ANKRD17: variants seen among roughly 807,000 people sequenced by gnomAD.
The protein encoded by ANKRD17 is ankyrin repeat domain 17.
A neutral mutation model predicts 229.7 loss-of-function variants in ANKRD17; 19 were observed. The observed-to-expected ratio is 0.08, with a 90% CI of 0.06 to 0.12. The LOEUF is 0.12. Ranked by LOEUF, ANKRD17 falls within the 10% of genes least tolerant of loss-of-function variation. The pLI is 1.00. For synonymous variants in ANKRD17, 1,112 were observed against 1,146.1 expected, an observed-to-expected ratio of 0.97 and a Z score of 0.60; for missense variants, 2,176 against 3,176.8, an observed-to-expected ratio of 0.68 and a Z score of 7.57.
rs1429226302 is a variant in ANKRD17, at chr4:73,089,096, G to A, written c.6961+1571C>T. On this transcript the variant is annotated intron_variant, in intron 29 of 33. Coordinates refer to ENST00000358602, the MANE Select transcript of ANKRD17 (RefSeq NM_032217.5). Reference sequence around the variant, plus strand: ...GTCTCCACCCAGGCTGGAATGCAGAGGTGTGATCTCAGCTCACTGTAACAT... The same window carrying A: ...GTCTCCACCCAGGCTGGAATGCAGAAGTGTGATCTCAGCTCACTGTAACAT... 2.0e-5 allele frequency among the ~76,000 whole-genome samples: 3 copies of A among 150,374 alleles called. No homozygotes were observed. The East Asian group carries it at 5.8e-4, about 29-fold the overall frequency.
chr4:73,183,317 G>C (rs1735830822), intron 1 of ANKRD17, among the ~76,000 whole-genome samples: 1 of 152,148 alleles, frequency 6.6e-6, no homozygotes, highest in South Asian at 2.1e-4. Flanking sequence ...AAATATCCTT[G>C]TTTTTCAGAC....
chr4:73,218,387 T>G (rs1741381078), intron 1 of ANKRD17, among the ~76,000 whole-genome samples: 1 of 152,062 alleles, frequency 6.6e-6, no homozygotes, highest in Non-Finnish European at 1.5e-5. Context: ...GCTCAAGCCA[T>G]TACTGAGCAC....
intron 5 of ANKRD17, 60 bp downstream of exon 5, chr4:73,155,568 GCAA>G: frequency 6.3e-7 from 1 of 1,585,604 alleles, no homozygotes; most frequent in East Asian, 2.2e-5. Flanking sequence ...TCACTTTCAT[GCAA>G]AATCATTATT....
At chr4:73,185,212 T>A (rs894637862) in intron 1 of ANKRD17, among the ~76,000 whole-genome samples, 80 of 151,544 alleles carry the variant, frequency 5.3e-4, no homozygotes, top group African/African-American at 1.9e-3. Context: ...ATTTAAAAAA[T>A]AAATAAAAAA....
rs959757540 is a variant in ANKRD17, at chr4:73,177,632, T to C, written c.394-99A>G. On this transcript the variant is annotated intron_variant, in intron 1 of 33. Coordinates refer to ENST00000358602, the MANE Select transcript of ANKRD17 (RefSeq NM_032217.5). The stretch of plus-strand genomic sequence containing the variant: ...AAGAAAGCAGGGGAGGGAAAAAATA[T>C]GTTAACATAATTAACAATGGTAAAC... The C allele has an allele frequency of 4.5e-6, 4 of 881,682 alleles. No homozygotes were observed. The Admixed American group carries it at 9.7e-5, about 21-fold the overall frequency. The allele number at this position is 881,682 out of a possible 1,614,324, so 54.6% of individuals were successfully genotyped here. A position where few individuals can be genotyped will look rare whatever the true frequency, so the allele number is the denominator to read the frequency against.
At chr4:73,113,288 G>C (rs184863510) in intron 24 of ANKRD17, 686 of 1,289,196 alleles carry the variant, frequency 5.3e-4, no homozygotes, top group Non-Finnish European at 6.7e-4. Flanking sequence ...CATGGGAATA[G>C]ATGGGAATGA....
intron 16 of ANKRD17, among the ~76,000 whole-genome samples, chr4:73,127,884 A>G (rs756610252): frequency 2.0e-4 from 31 of 152,364 alleles, no homozygotes; most frequent in Admixed American, 4.6e-4. Context: ...ATGAAAAACA[A>G]AAGACAAAAG....
At chr4:73,172,933 A>G (rs1165080965) in intron 2 of ANKRD17, among the ~76,000 whole-genome samples, 3 of 152,220 alleles carry the variant, frequency 2.0e-5, no homozygotes, top group African/African-American at 7.2e-5. Flanking sequence ...ACAAATAACC[A>G]AATGACAGGA....
rs906116832 is a variant in ANKRD17, at chr4:73,177,628, AAT to A, written c.394-97_394-96del. 63 of 929,600 alleles carry A rather than the reference AAT, an allele frequency of 6.8e-5. No individual in the cohort carries two copies. In the African/African-American group the frequency reaches 8.6e-4, roughly 13 times the overall value. The allele number at this position is 929,600 out of a possible 1,614,324, so 57.6% of individuals were successfully genotyped here. ...TAAAAAGAAAGCAGGGGAGGGAAAA[AAT>A]ATGTTAACATAATTAACAATGGTAA... is the stretch of plus-strand genomic sequence containing the variant. On this transcript the variant is annotated intron_variant, in intron 1 of 33. Coordinates refer to ENST00000358602, the MANE Select transcript of ANKRD17 (RefSeq NM_032217.5).
chr4:73,250,688 T>TTTGTTGTTG (rs537285641), intron 1 of ANKRD17, among the ~76,000 whole-genome samples: 31 of 148,616 alleles, frequency 2.1e-4, no homozygotes, highest in Non-Finnish European at 5.9e-5. Flanking sequence ...TGTAACGGTT[T>TTTGTTGTTG]TTGTTGTTGT....
rs558534921 is a variant in ANKRD17 at position 73,160,794 on chromosome 4, G to A, written c.704+398C>T. Among the ~76,000 whole-genome samples the A allele has an allele frequency of 5.1e-4, 78 of 152,252 alleles. No homozygotes were observed. The South Asian group carries it at 0.016, about 31-fold the overall frequency. ...AAAGCCTTACTCTTTAAAATGGTCA[G>A]AACTACGCAAATGAACTGTAAAATG... On this transcript the variant is annotated intron_variant, in intron 3 of 33. Coordinates refer to ENST00000358602, the MANE Select transcript of ANKRD17 (RefSeq NM_032217.5).
At chr4:73,087,252 TTTTA>T (rs1015236387) in intron 29 of ANKRD17, among the ~76,000 whole-genome samples, 25 of 151,582 alleles carry the variant, frequency 1.6e-4, no homozygotes, top group African/African-American at 5.8e-4. Flanking sequence ...CACCCAGCTT[TTTTA>T]TTTATTTTTG....
chr4:73,106,244 A>C (rs1161255333), intron 24 of ANKRD17, among the ~76,000 whole-genome samples: 1 of 151,792 alleles, frequency 6.6e-6, no homozygotes, highest in Admixed American at 6.6e-5. Context: ...ACTCCGTCTC[A>C]AAAAAAATAA....
At chr4:73,179,520 T>TA (rs1560666346) in intron 1 of ANKRD17, among the ~76,000 whole-genome samples, 63 of 50,854 alleles carry the variant, frequency 1.2e-3, no homozygotes, top group African/African-American at 1.8e-3. Flanking sequence ...ATATATATAT[T>TA]TTTTTTTTTT....
chr4:73,098,703 T>C, intron 25 of ANKRD17, 183 bp from the exon 26 acceptor site: 1 of 873,580 alleles, frequency 1.1e-6, no homozygotes, highest in Non-Finnish European at 1.9e-6. Context: ...ACCCACGTTC[T>C]GTTCAAAGAA....
At position 73,258,679 on chromosome 4, in the gene ANKRD17, A is replaced by C; in HGVS notation, c.-11T>G. 6.8e-7 allele frequency: 1 copy of C among 1,461,318 alleles called. No individual in the cohort carries two copies. The highest frequency in any genetic ancestry group is 9.0e-7 in the Non-Finnish European group (1 of 1,116,382). The allele number at this position is 1,461,318 out of a possible 1,614,324, so 90.5% of individuals were successfully genotyped here. A position where few individuals can be genotyped will look rare whatever the true frequency, so the allele number is the denominator to read the frequency against. ...CGTCGCCTTCTCCATCCCCAGGGAA[A>C]GAGGGAGGGCGCGGACGGGGGAGGG... is the stretch of plus-strand genomic sequence containing the variant. On this transcript the variant is annotated 5_prime_UTR_variant, in exon 1 of 34. Coordinates refer to ENST00000358602, the MANE Select transcript of ANKRD17 (RefSeq NM_032217.5).
At chr4:73,144,151 A>AGC (rs1729944976) in intron 11 of ANKRD17, among the ~76,000 whole-genome samples, 1 of 152,224 alleles carries the variant, frequency 6.6e-6, no homozygotes, top group African/African-American at 2.4e-5. Context: ...TTTCCTAGTA[A>AGC]GCACGTTAAG....
Position 73,091,067 on chromosome 4 carries a change from G to A in ANKRD17, c.6561C>T (p.Ala2187=). The change falls in exon 29 of 34, where the codon GCC becomes GCT. Residue 2187 remains alanine (A), a synonymous_variant. Transcript: ENST00000358602. ...AIRPPPHGTT[A]PHKNSASVQN... is the part of the protein sequence containing the mutation. ...GCACTGAAGCTGAATTCTTGTGAGGGGCAGTTGTGCCATGAGGGGGTGGTC... is the reference window on the plus strand; with the variant it reads ...GCACTGAAGCTGAATTCTTGTGAGGAGCAGTTGTGCCATGAGGGGGTGGTC... The A allele has an allele frequency of 2.5e-6, 4 of 1,614,192 alleles. No homozygotes were observed. Among genetic ancestry groups the A allele is most frequent in the Non-Finnish European group, 3.4e-6 (4 of 1,180,034 alleles).
At chr4:73,223,939 T>C (rs1742178766) in intron 1 of ANKRD17, among the ~76,000 whole-genome samples, 1 of 152,062 alleles carries the variant, frequency 6.6e-6, no homozygotes, top group Non-Finnish European at 1.5e-5. Flanking sequence ...CAACTTTGAA[T>C]ATGAAAAAAT....
Sources: allele counts gnomAD v4.1 joint callset (sites outside exome capture counted in the v4.1 genomes callset), GRCh38; gene constraint gnomAD v4.1.1; transcripts MANE v1.5; gene names NCBI Gene and HGNC (gene_info 2026-07-23, HGNC 2026-07-21).